The following RASGEF1C variants were observed in gnomAD, a reference collection of about 807,000 sequenced individuals.
RASGEF1C encodes the protein ras-GEF domain-containing family member 1C.
RASGEF1C carries 27 observed loss-of-function variants against 58.1 expected under a neutral mutation model. The ratio of observed to expected loss-of-function variants is 0.46; its 90% CI spans 0.34 to 0.64. RASGEF1C has a LOEUF of 0.64. RASGEF1C is among the 30% of genes least tolerant of loss of function. The pLI, the probability that RASGEF1C is intolerant of heterozygous loss-of-function variation, is 0.01. For missense variants in RASGEF1C, 502 were observed against 605.1 expected, an observed-to-expected ratio of 0.83 and a Z score of 1.79; for synonymous variants, 243 against 246.3, an observed-to-expected ratio of 0.99 and a Z score of 0.13.
chr5:180,131,129 C>T (rs764847374), intron 4 of RASGEF1C, among the ~76,000 whole-genome samples: 5 of 152,178 alleles, frequency 3.3e-5, no homozygotes, highest in Admixed American at 1.3e-4. Context: ...AATGCATCCA[C>T]GCCGGTTTCT....
rs1319968211 is a variant in RASGEF1C at position 180,155,041 on chromosome 5, T to C, written c.-6-16983A>G. 6.6e-6 allele frequency among the ~76,000 whole-genome samples: 1 copy of C among 152,096 alleles called. No homozygotes were observed. Among genetic ancestry groups the C allele is most frequent in the Non-Finnish European group, 1.5e-5 (1 of 68,006 alleles). On this transcript the variant is annotated intron_variant, in intron 1 of 13. Coordinates refer to ENST00000361132, the MANE Select transcript of RASGEF1C (RefSeq NM_175062.4). The surrounding 1 kb of genome is among the most constrained non-coding windows in gnomAD (Gnocchi z 5.2). ...ACAACCTGAGTACTTGAAGCCACAG[T>C]GTGACTCTTGGAAGCCTCCAGGAGG... is the stretch of plus-strand genomic sequence containing the variant.
At chr5:180,152,046 G>A (rs369133481) in intron 1 of RASGEF1C, among the ~76,000 whole-genome samples, 9,035 of 133,914 alleles carry the variant, frequency 0.067, 373 homozygotes, top group Middle Eastern at 0.11. Flanking sequence ...TTAGAATGGC[G>A]ATCATTAAAA....
At position 180,198,159 on chromosome 5, in the gene RASGEF1C, T is replaced by G. The variant is rs1038875591; in HGVS notation, c.-7+10869A>C. The stretch of plus-strand genomic sequence containing the variant: ...GGCAGGACCCTGGGCAGTAAGGCCC[T>G]AAGGAAACTGGAAACAGGCAGGACA... On this transcript the variant is annotated intron_variant, in intron 1 of 13. Transcript: ENST00000361132. This position sits in a 1 kb window ranked among gnomAD's most constrained non-coding sequence, Gnocchi z 4.5. Among the ~76,000 whole-genome samples, 2 of 152,134 alleles carry G rather than the reference T, an allele frequency of 1.3e-5. No homozygotes were observed. The highest frequency in any genetic ancestry group is 4.8e-5 in the African/African-American group (2 of 41,432).
chr5:180,125,110 GA>G, intron 6 of RASGEF1C, among the ~76,000 whole-genome samples: 1 of 152,112 alleles, frequency 6.6e-6, no homozygotes, highest in African/African-American at 2.4e-5. Context: ...TCCAGCCTGG[GA>G]AAAAGAGCAA....
At chr5:180,193,226 C>T (rs1756200523) in intron 1 of RASGEF1C, among the ~76,000 whole-genome samples, 1 of 125,020 alleles carries the variant, frequency 8.0e-6, no homozygotes, top group Non-Finnish European at 1.8e-5. Context: ...CGGCTAATTT[C>T]TTGTATTTTT....
chr5:180,126,173 C>T (rs543257114), intron 6 of RASGEF1C, among the ~76,000 whole-genome samples: 3 of 152,212 alleles, frequency 2.0e-5, no homozygotes, highest in South Asian at 4.2e-4. Flanking sequence ...TTTGGGAGGC[C>T]GAGGCGGGCA....
Position 180,191,482 on chromosome 5 carries a change from A to G in RASGEF1C, c.-7+17546T>C, listed in dbSNP as rs557203294. On this transcript the variant is annotated intron_variant, in intron 1 of 13. Coordinates refer to ENST00000361132, the MANE Select transcript of RASGEF1C (RefSeq NM_175062.4). ...CGCCATTCTCCTGCCTCAGCCTCCC[A>G]AGTAGCTGGGACTACAGGCGCCCGC... Among the ~76,000 whole-genome samples the G allele has an allele frequency of 3.3e-3, 505 of 152,124 alleles. 2 individuals carry two copies. The highest frequency in any genetic ancestry group is 0.011 in the African/African-American group (457 of 41,494).
chr5:180,139,198 C>T (rs1458374962), intron 1 of RASGEF1C, among the ~76,000 whole-genome samples: 1 of 152,172 alleles, frequency 6.6e-6, no homozygotes, highest in East Asian at 1.9e-4. Context: ...ACTTACCCCT[C>T]TAGGCCAGTC....
rs1268579652 is a variant in RASGEF1C at position 180,190,500 on chromosome 5, AAAAAAAAAT to A, written c.-7+18519_-7+18527del. ...GTGAGACTCCGTCTCAAAAAAAAAA[AAAAAAAAAT>A]AATAATAATAATAATAATAATTAGC... is the stretch of plus-strand genomic sequence containing the variant. On this transcript the variant is annotated intron_variant, in intron 1 of 13. Transcript: ENST00000361132. Among the ~76,000 whole-genome samples, 24 of 97,122 alleles carry A rather than the reference AAAAAAAAAT, an allele frequency of 2.5e-4. 1 individual carries two copies. Among genetic ancestry groups the A allele is most frequent in the African/African-American group, 4.3e-4 (13 of 30,210 alleles). 63.7% of individuals were successfully genotyped at this position (97,122 alleles called of 152,430 possible).
intron 7 of RASGEF1C, among the ~76,000 whole-genome samples, chr5:180,120,305 T>G (rs375948713): frequency 3.2e-4 from 49 of 152,178 alleles, no homozygotes; most frequent in African/African-American, 1.1e-3. Flanking sequence ...CTGAGCCAGG[T>G]GGGGGACAGA....
chr5:180,121,177 C>T lies in RASGEF1C; in HGVS notation c.715-28G>A, dbSNP rs373277026. 46 of 1,475,994 alleles carry T rather than the reference C, an allele frequency of 3.1e-5. No individual in the cohort carries two copies. The African/African-American group carries it at 3.5e-4, about 11-fold the overall frequency. 91.4% of individuals were successfully genotyped at this position (1,475,994 alleles called of 1,614,324 possible). A position where few individuals can be genotyped will look rare whatever the true frequency, so the allele number is the denominator to read the frequency against. On this transcript the variant is annotated intron_variant, in intron 6 of 13. Transcript: ENST00000361132. The stretch of plus-strand genomic sequence containing the variant: ...AGAACAAACACAGCACACGGGACCA[C>T]GTTCTGAGCCTTTTTGTCTATCATC...
chr5:180,126,202 T>G (rs1766256620), intron 6 of RASGEF1C, among the ~76,000 whole-genome samples: 1 of 152,098 alleles, frequency 6.6e-6, no homozygotes, highest in Non-Finnish European at 1.5e-5. Flanking sequence ...GGTCAGGAGA[T>G]CGAGACCATC....
In RASGEF1C at chr5:180,137,456, G is replaced by A. The variant is rs1420621313; in HGVS notation, c.300+134C>T. 8 of 1,265,616 alleles carry A rather than the reference G, an allele frequency of 6.3e-6. No homozygotes were observed. Among genetic ancestry groups the A allele is most frequent in the Non-Finnish European group, 6.6e-6 (6 of 907,910 alleles). 78.4% of individuals were successfully genotyped at this position (1,265,616 alleles called of 1,614,324 possible). A position where few individuals can be genotyped will look rare whatever the true frequency, so the allele number is the denominator to read the frequency against. On this transcript the variant is annotated intron_variant, in intron 3 of 13. Coordinates refer to ENST00000361132, the MANE Select transcript of RASGEF1C (RefSeq NM_175062.4). This position sits in a 1 kb window ranked among gnomAD's most constrained non-coding sequence, Gnocchi z 4.1. ...CCTTCTGGCTCTGGGCCTCAGACAA[G>A]GTGGAAACACCCGGTAGCCACCTTG...
At chr5:180,204,798 C>G (rs1320584485) in intron 1 of RASGEF1C, among the ~76,000 whole-genome samples, 1 of 152,050 alleles carries the variant, frequency 6.6e-6, no homozygotes, top group African/African-American at 2.4e-5. Context: ...AGGTATTCAG[C>G]CAATTTAATT....
Position 180,143,260 on chromosome 5 carries a change from C to T in RASGEF1C, c.-6-5202G>A, listed in dbSNP as rs1766610520. On this transcript the variant is annotated intron_variant, in intron 1 of 13. Transcript: ENST00000361132. The surrounding 1 kb of genome is among the most constrained non-coding windows in gnomAD (Gnocchi z 4.3). The stretch of plus-strand genomic sequence containing the variant: ...TCCTTCTGGAGGCCTCACTGACAGG[C>T]TCAGGGCCCACCCTGCTCCAGGCCG... Among the ~76,000 whole-genome samples the T allele has an allele frequency of 6.6e-6, 1 of 152,224 alleles. No individual in the cohort carries two copies. The highest frequency in any genetic ancestry group is 1.9e-4 in the East Asian group (1 of 5,184).
chr5:180,118,562 C>G (rs62405054), intron 10 of RASGEF1C, 47 bp downstream of exon 10: 362,341 of 1,511,614 alleles, frequency 0.24, 45,130 homozygotes, highest in Admixed American at 0.32. Flanking sequence ...AGCCAGCACC[C>G]AGGTTCCCTG....
chr5:180,128,279 G>T, intron 5 of RASGEF1C, 131 bp downstream of exon 5: 1 of 862,210 alleles, frequency 1.2e-6, no homozygotes, highest in Non-Finnish European at 1.9e-6. Flanking sequence ...GGGGCCCAGT[G>T]CATGCTCGAG....
rs13165523 is a variant in RASGEF1C, at chr5:180,136,368, A to G, written c.438+10T>C. ...ACCCAGGGTGACGCGACCCCCGCCC[A>G]GCTGCCCACCTCGTCACAGGGGGCG... On this transcript the variant is annotated intron_variant, in intron 4 of 13. Coordinates refer to ENST00000361132, the MANE Select transcript of RASGEF1C (RefSeq NM_175062.4). 198,300 of 1,551,684 alleles carry G rather than the reference A, an allele frequency of 0.13. 13,867 individuals carry two copies. The highest frequency in any genetic ancestry group is 0.25 in the East Asian group (10,447 of 41,050).
chr5:180,112,359 G>T (rs1765972462), intron 11 of RASGEF1C, among the ~76,000 whole-genome samples: 2 of 152,234 alleles, frequency 1.3e-5, no homozygotes, highest in Admixed American at 1.3e-4. Flanking sequence ...TGTGAGGAGG[G>T]CAGCTCCAGG....
Sources: allele counts gnomAD v4.1 joint callset (sites outside exome capture counted in the v4.1 genomes callset), GRCh38; gene constraint gnomAD v4.1.1; non-coding constraint Gnocchi (gnomAD v3.1); transcripts MANE v1.5; gene names NCBI Gene and HGNC (gene_info 2026-07-23, HGNC 2026-07-21).